Variants in HECW2 observed in about 807,000 individuals in gnomAD.
The protein encoded by HECW2 is HECT, C2 and WW domain containing E3 ubiquitin protein ligase 2.
A neutral mutation model predicts 175.2 loss-of-function variants in HECW2; 61 were observed. The observed-to-expected ratio is 0.35, with a 90% CI of 0.28 to 0.43. The LOEUF is 0.43. Ranked by LOEUF, HECW2 falls within the 20% of genes least tolerant of loss-of-function variation. HECW2 has a pLI of 1.00. For synonymous variants in HECW2, 671 were observed against 731.0 expected, an observed-to-expected ratio of 0.92 and a Z score of 1.32; for missense variants, 1,524 against 2,000.5, an observed-to-expected ratio of 0.76 and a Z score of 4.54.
intron 28 of HECW2, among the ~76,000 whole-genome samples, chr2:196,213,405 T>C (rs7567824): frequency 0.12 from 18,263 of 152,136 alleles, 2,285 homozygotes; most frequent in African/African-American, 0.32. Flanking sequence ...GATCTAGGGT[T>C]TTGCTTAGGA....
chr2:196,491,715 C>G (rs941217361), intron 1 of HECW2, among the ~76,000 whole-genome samples: 2 of 151,726 alleles, frequency 1.3e-5, no homozygotes, highest in Non-Finnish European at 2.9e-5. Context: ...CACACTTAAT[C>G]AAAACTAGTT....
At chr2:196,285,601 A>G (rs910431295) in intron 14 of HECW2, among the ~76,000 whole-genome samples, 1 of 152,196 alleles carries the variant, frequency 6.6e-6, no homozygotes, top group Non-Finnish European at 1.5e-5. Flanking sequence ...CTTCCAAATT[A>G]TAACTCTCTT....
At chr2:196,378,648 AT>A (rs1193920586) in intron 2 of HECW2, among the ~76,000 whole-genome samples, 1 of 152,188 alleles carries the variant, frequency 6.6e-6, no homozygotes, top group Non-Finnish European at 1.5e-5. Context: ...ATTAAGCATC[AT>A]TTTGCTTTTC....
At position 196,292,625 on chromosome 2, in the gene HECW2, G is replaced by C; in HGVS notation, c.2940C>G (p.Phe980Leu). Reference protein sequence around the residue: ...NRDLVGFLNMFANKQLELPRG... With the variant: ...NRDLVGFLNMLANKQLELPRG... ...GCGGCAGCTCTAGCTGTTTGTTCGC[G>C]AACATGTTGAGGAATCCCACAAGGT... Residue 980 changes from phenylalanine (F) to leucine (L), a missense_variant, in exon 14 of 29, where the codon TTC becomes TTG. Phe to Leu is a conservative substitution (Grantham distance 22). Around this residue, in one of 11 missense-constraint regions of HECW2, gnomAD observed 291 missense variants for 412.2 expected, o/e 0.71. Transcript: ENST00000644978. The C allele has an allele frequency of 6.2e-7, 1 of 1,614,066 alleles. No individual in the cohort carries two copies. Among genetic ancestry groups the C allele is most frequent in the Non-Finnish European group, 8.5e-7 (1 of 1,179,950 alleles).
At chr2:196,326,194 C>T (rs1388792389) in intron 5 of HECW2, among the ~76,000 whole-genome samples, 1 of 152,110 alleles carries the variant, frequency 6.6e-6, no homozygotes, top group African/African-American at 2.4e-5. Flanking sequence ...TAGGAGGTCA[C>T]CAGGGTCATC....
intron 2 of HECW2, among the ~76,000 whole-genome samples, chr2:196,348,357 G>T (rs1693038614): frequency 6.6e-6 from 1 of 152,018 alleles, no homozygotes; most frequent in African/African-American, 2.4e-5. Flanking sequence ...AAGAACAATA[G>T]TGGGCCCAGG....
chr2:196,480,169 T>G (rs1686792207), intron 1 of HECW2, among the ~76,000 whole-genome samples: 1 of 152,190 alleles, frequency 6.6e-6, no homozygotes, highest in Non-Finnish European at 1.5e-5. Context: ...GTCTGAAATA[T>G]CTTTCCACAC....
At chr2:196,224,542 C>T (rs1001204302) in intron 23 of HECW2, among the ~76,000 whole-genome samples, 1 of 152,036 alleles carries the variant, frequency 6.6e-6, no homozygotes, top group Non-Finnish European at 1.5e-5. Flanking sequence ...AAAAAAGAAC[C>T]CGCAAAGTAC....
At chr2:196,356,126 G>A (rs1488222652) in intron 2 of HECW2, among the ~76,000 whole-genome samples, 2 of 152,142 alleles carry the variant, frequency 1.3e-5, no homozygotes, top group East Asian at 1.9e-4. Flanking sequence ...GCCAGCTTCC[G>A]GACTGTAACA....
In HECW2 at chr2:196,229,299, A is replaced by G. The variant is rs1399900903; in HGVS notation, c.3765-1045T>C. On this transcript the variant is annotated intron_variant, in intron 21 of 28. Coordinates refer to ENST00000644978, the MANE Select transcript of HECW2 (RefSeq NM_001348768.2). ...TTTGAATTTTTTTTTTGTGGGCATCATTGCATTTTTTTAATGAAAAAAAAA... is the reference window on the plus strand; with the variant it reads ...TTTGAATTTTTTTTTTGTGGGCATCGTTGCATTTTTTTAATGAAAAAAAAA... Among the ~76,000 whole-genome samples, 2 of 150,028 alleles carry G rather than the reference A, an allele frequency of 1.3e-5. 1 individual carries two copies. The highest frequency in any genetic ancestry group is 4.9e-5 in the African/African-American group (2 of 40,652).
chr2:196,494,359 G>A (rs1293635527), intron 1 of HECW2, among the ~76,000 whole-genome samples: 2 of 152,212 alleles, frequency 1.3e-5, no homozygotes. Context: ...GTAGCATTGT[G>A]GAGGATGATA....
intron 2 of HECW2, among the ~76,000 whole-genome samples, chr2:196,422,098 G>A (rs181212947): frequency 6.6e-6 from 1 of 152,250 alleles, no homozygotes; most frequent in Non-Finnish European, 1.5e-5. Flanking sequence ...GGGTATGCCT[G>A]CTCATTCAGT....
At chr2:196,499,531 T>C (rs1260882536) in intron 1 of HECW2, among the ~76,000 whole-genome samples, 3 of 152,168 alleles carry the variant, frequency 2.0e-5, no homozygotes, top group East Asian at 1.9e-4. Context: ...GAAGAGCTTA[T>C]TAGGAAATAA....
At chr2:196,447,011 C>T (rs1056873361) in intron 1 of HECW2, among the ~76,000 whole-genome samples, 8 of 152,072 alleles carry the variant, frequency 5.3e-5, no homozygotes, top group Non-Finnish European at 1.5e-5. Context: ...TTATGAGATC[C>T]CCAATGAGGG....
intron 10 of HECW2, among the ~76,000 whole-genome samples, chr2:196,313,246 G>C (rs1531108): frequency 0.97 from 147,892 of 152,326 alleles, 71,950 homozygotes; most frequent in Middle Eastern, 1. Context: ...GCTGGCGATT[G>C]TTTTTTCACT....
chr2:196,453,535 CAG>C (rs1338598458), intron 1 of HECW2, among the ~76,000 whole-genome samples: 1 of 152,114 alleles, frequency 6.6e-6, no homozygotes, highest in Non-Finnish European at 1.5e-5. Flanking sequence ...CAGAGCATCT[CAG>C]AGAAAAATTC....
At chr2:196,545,541 T>C (rs1689388703) in intron 1 of HECW2, among the ~76,000 whole-genome samples, 2 of 152,168 alleles carry the variant, frequency 1.3e-5, no homozygotes, top group Non-Finnish European at 2.9e-5. Flanking sequence ...ATGATTTGAA[T>C]ATTTAATAAG....
At chr2:196,451,999 C>T (rs1187338858) in intron 1 of HECW2, among the ~76,000 whole-genome samples, 1 of 152,222 alleles carries the variant, frequency 6.6e-6, no homozygotes, top group Non-Finnish European at 1.5e-5. Context: ...CTTCTAACTA[C>T]ATCAAATACT....
chr2:196,449,461 C>T (rs1168736165), intron 1 of HECW2, among the ~76,000 whole-genome samples: 2 of 152,150 alleles, frequency 1.3e-5, no homozygotes, highest in Admixed American at 6.5e-5. Context: ...AATGATAGTA[C>T]TATATGACCA....
Sources: allele counts gnomAD v4.1 joint callset (sites outside exome capture counted in the v4.1 genomes callset), GRCh38; gene constraint gnomAD v4.1.1; regional missense constraint gnomAD v4.1.1; transcripts MANE v1.5; gene names NCBI Gene and HGNC (gene_info 2026-07-23, HGNC 2026-07-21).